Variants in PRELID2 observed in about 807,000 individuals in gnomAD.
PRELID2 encodes the protein PRELI domain containing 2.
Under a neutral mutation model 28.4 loss-of-function variants are expected in PRELID2, and 25 were observed. The observed-to-expected ratio is 0.88, with a 90% confidence interval of 0.64 to 1.23. The LOEUF is 1.23. Ranked by LOEUF, PRELID2 falls within the 50% of genes most tolerant of loss-of-function variation. The probability of loss-of-function intolerance (pLI) is 0.00; values close to 1 mark genes in which losing one functional copy is unlikely to be tolerated. For synonymous variants in PRELID2, 76 were observed against 71.6 expected, an observed-to-expected ratio of 1.06 and a Z score of -0.31; for missense variants, 201 against 214.4, an observed-to-expected ratio of 0.94 and a Z score of 0.39.
intron 1 of PRELID2, among the ~76,000 whole-genome samples, chr5:145,537,042 A>C (rs1752705621): frequency 6.6e-6 from 1 of 151,954 alleles, no homozygotes; most frequent in African/African-American, 2.4e-5. Context: ...AACAAAGAGA[A>C]GTTTAAAAAT....
chr5:145,302,327 G>A, the PRELID2 span, among the ~76,000 whole-genome samples: 1 of 151,620 alleles, frequency 6.6e-6, no homozygotes, highest in African/African-American at 2.4e-5. Flanking sequence ...TAGTAGAGAG[G>A]GGGTTTCTCC....
chr5:145,289,549 A>G, the PRELID2 span, among the ~76,000 whole-genome samples: 9 of 152,192 alleles, frequency 5.9e-5, no homozygotes, highest in Non-Finnish European at 1.3e-4. Context: ...TATTAAAGCT[A>G]CTATAAATAT....
At chr5:145,314,772 G>A in the PRELID2 span, among the ~76,000 whole-genome samples, 5 of 151,684 alleles carry the variant, frequency 3.3e-5, no homozygotes, top group Non-Finnish European at 5.9e-5. Flanking sequence ...AAATTGTTAT[G>A]GCACCTAAAA....
chr5:145,457,032 C>T, the PRELID2 span, among the ~76,000 whole-genome samples: 39 of 152,212 alleles, frequency 2.6e-4, no homozygotes, highest in African/African-American at 8.4e-4. Context: ...AGAAGGCCCT[C>T]CAAAATGTGA....
At chr5:145,595,343 T>C (rs1427122090) in intron 1 of PRELID2, among the ~76,000 whole-genome samples, 1 of 152,088 alleles carries the variant, frequency 6.6e-6, no homozygotes, top group Non-Finnish European at 1.5e-5. Flanking sequence ...GAAAGCAAAG[T>C]CTTTTAAGCC....
chr5:145,377,005 C>T, the PRELID2 span, among the ~76,000 whole-genome samples: 5 of 152,042 alleles, frequency 3.3e-5, no homozygotes, highest in Non-Finnish European at 5.9e-5. Flanking sequence ...ATCTTTCTAA[C>T]TTTTGATGTG....
chr5:145,572,048 C>A (rs1580981193), intron 1 of PRELID2, among the ~76,000 whole-genome samples: 1 of 151,948 alleles, frequency 6.6e-6, no homozygotes, highest in African/African-American at 2.4e-5. Context: ...AAGCATGCTA[C>A]CTGGAGACTT....
chr5:145,525,472 T>C (rs1176028570), intron 1 of PRELID2, among the ~76,000 whole-genome samples: 1 of 152,216 alleles, frequency 6.6e-6, no homozygotes, highest in East Asian at 1.9e-4. Flanking sequence ...CTTTGGTGGT[T>C]GATTCACCTC....
the PRELID2 span, among the ~76,000 whole-genome samples, chr5:145,397,967 G>T: frequency 6.6e-6 from 1 of 152,154 alleles, no homozygotes; most frequent in African/African-American, 2.4e-5. Flanking sequence ...TGAGGCGATG[G>T]CTGGTGAAAT....
At chr5:145,439,099 C>T in the PRELID2 span, among the ~76,000 whole-genome samples, 1 of 152,140 alleles carries the variant, frequency 6.6e-6, no homozygotes. Context: ...GTCCCCACTT[C>T]TGCACTGCTG....
chr5:145,341,951 C>T, the PRELID2 span, among the ~76,000 whole-genome samples: 2 of 152,162 alleles, frequency 1.3e-5, no homozygotes, highest in South Asian at 2.1e-4. Flanking sequence ...CTCTACAGCA[C>T]ATTGTAGTCA....
chr5:145,385,153 T>C, the PRELID2 span, among the ~76,000 whole-genome samples: 57 of 152,332 alleles, frequency 3.7e-4, no homozygotes, highest in African/African-American at 1.2e-3. Context: ...CTGCGTGTTA[T>C]ACTGCATGTA....
chr5:145,467,057 C>T (rs867437667), downstream of PRELID2, among the ~76,000 whole-genome samples: 1 of 152,134 alleles, frequency 6.6e-6, no homozygotes, highest in East Asian at 1.9e-4. Context: ...ATAATGCCCA[C>T]GAGCATCTCC....
At chr5:145,796,870 G>A (rs1443566624) in intron 4 of PRELID2, among the ~76,000 whole-genome samples, 1 of 152,024 alleles carries the variant, frequency 6.6e-6, no homozygotes, top group Non-Finnish European at 1.5e-5. Flanking sequence ...ATGTAAAATG[G>A]GAACGACCAT....
chr5:145,820,792 G>A (rs1754728882), intron 2 of PRELID2, among the ~76,000 whole-genome samples: 1 of 152,072 alleles, frequency 6.6e-6, no homozygotes, highest in South Asian at 2.1e-4. Flanking sequence ...ATAGGAAATG[G>A]CTATTCCTGT....
chr5:145,737,483 C>T (rs1756529393), intron 1 of PRELID2, among the ~76,000 whole-genome samples: 3 of 151,852 alleles, frequency 2.0e-5, no homozygotes, highest in South Asian at 4.2e-4. Context: ...AGTGAAGAAG[C>T]TAGGAAACTT....
At chr5:145,250,952 C>T in the PRELID2 span, among the ~76,000 whole-genome samples, 1 of 152,084 alleles carries the variant, frequency 6.6e-6, no homozygotes, top group Admixed American at 6.6e-5. Flanking sequence ...CCAGTTTCTA[C>T]AATGACACAC....
intron 1 of PRELID2, among the ~76,000 whole-genome samples, chr5:145,550,407 A>C (rs895251768): frequency 2.0e-5 from 3 of 152,120 alleles, no homozygotes; most frequent in Admixed American, 6.5e-5. Context: ...AGTTATTTTT[A>C]AGCACTTAAA....
the PRELID2 span, among the ~76,000 whole-genome samples, chr5:145,398,909 G>A: frequency 6.6e-6 from 1 of 152,098 alleles, no homozygotes; most frequent in South Asian, 2.1e-4. Flanking sequence ...AATTAGTCTT[G>A]AGAGGATCAT....
Sources: allele counts gnomAD v4.1 joint callset (sites outside exome capture counted in the v4.1 genomes callset), GRCh38; gene constraint gnomAD v4.1.1; transcripts MANE v1.5; gene names NCBI Gene and HGNC (gene_info 2026-07-23, HGNC 2026-07-21).